The following DLG1 variants were observed in gnomAD, a reference collection of about 807,000 sequenced individuals.
DLG1 encodes the protein disks large homolog 1.
Under a neutral mutation model 123.4 loss-of-function variants are expected in DLG1, and 42 were observed. That is an observed-to-expected ratio of 0.34 (90% CI 0.27 to 0.44). DLG1 has a LOEUF of 0.44. Among genes scored for constraint, DLG1 ranks in the 20% least tolerant of loss-of-function variants. DLG1 has a pLI of 1.00. For synonymous variants in DLG1, 317 were observed against 356.2 expected (o/e 0.89, Z 1.24); for missense variants, 942 against 1,082.6 (o/e 0.87, Z 1.82).
chr3:197,152,279 T>C (rs1794248595), intron 5 of DLG1, among the ~76,000 whole-genome samples: 3 of 152,134 alleles, frequency 2.0e-5, no homozygotes, highest in Admixed American at 2.0e-4. Flanking sequence ...ACAGGGTCAC[T>C]TGAACCAAGG....
chr3:197,185,333 A>G (rs1208474831), intron 5 of DLG1, among the ~76,000 whole-genome samples: 2 of 152,150 alleles, frequency 1.3e-5, no homozygotes, highest in South Asian at 2.1e-4. Context: ...AAAACATGCT[A>G]ATGCTGTCTC....
At chr3:197,254,733 CAATAAATGAAATTAAGA>C (rs1756013912) in intron 4 of DLG1, among the ~76,000 whole-genome samples, 2 of 152,150 alleles carry the variant, frequency 1.3e-5, no homozygotes, top group South Asian at 4.1e-4. Flanking sequence ...GTTAAAAATA[CAATAAATGAAATTAAGA>C]AATCTATGAC....
chr3:197,203,967 A>G (rs1187370569), intron 4 of DLG1, among the ~76,000 whole-genome samples: 1 of 152,218 alleles, frequency 6.6e-6, no homozygotes, highest in Non-Finnish European at 1.5e-5. Flanking sequence ...CTGGGTTAGG[A>G]ATGAATCTCT....
At chr3:197,150,211 G>GT (rs1793183227) in intron 5 of DLG1, among the ~76,000 whole-genome samples, 2 of 151,704 alleles carry the variant, frequency 1.3e-5, no homozygotes, top group Non-Finnish European at 2.9e-5. Flanking sequence ...ACAGTGAACT[G>GT]TTTTTAAACA....
intron 4 of DLG1, among the ~76,000 whole-genome samples, chr3:197,276,235 G>A (rs1211790572): frequency 4.6e-5 from 7 of 152,114 alleles, no homozygotes; most frequent in African/African-American, 1.2e-4. Flanking sequence ...ATCTCTTACC[G>A]ATAATCTTTT....
chr3:197,229,580 T>C (rs898259982), intron 4 of DLG1, among the ~76,000 whole-genome samples: 7 of 152,284 alleles, frequency 4.6e-5, no homozygotes, highest in African/African-American at 1.7e-4. Flanking sequence ...CCTGGCCTCG[T>C]TGGATATTAA....
At chr3:197,216,048 GT>G (rs1733960225) in intron 4 of DLG1, among the ~76,000 whole-genome samples, 1 of 152,090 alleles carries the variant, frequency 6.6e-6, no homozygotes, top group Non-Finnish European at 1.5e-5. Flanking sequence ...CCCAATTCTA[GT>G]TTTTATGGGG....
intron 5 of DLG1, among the ~76,000 whole-genome samples, chr3:197,160,889 T>C (rs1054555828): frequency 6.6e-6 from 1 of 152,192 alleles, no homozygotes; most frequent in Non-Finnish European, 1.5e-5. Context: ...TTAAATGAGA[T>C]CGTGATCTTT....
At chr3:197,134,746 C>G (rs1187246211) in intron 10 of DLG1, among the ~76,000 whole-genome samples, 1 of 152,202 alleles carries the variant, frequency 6.6e-6, no homozygotes, top group Non-Finnish European at 1.5e-5. Context: ...ATGTCACAAA[C>G]CTATGTTTGA....
intron 23 of DLG1, among the ~76,000 whole-genome samples, chr3:197,054,822 T>C (rs1327503051): frequency 7.0e-6 from 1 of 143,306 alleles, no homozygotes; most frequent in Non-Finnish European, 1.5e-5. Context: ...TTTTTGTTTA[T>C]TTTTTTTTTT....
At chr3:197,230,861 C>T (rs1742568091) in intron 4 of DLG1, among the ~76,000 whole-genome samples, 1 of 151,572 alleles carries the variant, frequency 6.6e-6, no homozygotes, top group Non-Finnish European at 1.5e-5. Flanking sequence ...TCACACTTGC[C>T]AAAAAACAAG....
intron 11 of DLG1, among the ~76,000 whole-genome samples, chr3:197,123,870 C>A (rs553740038): frequency 6.6e-6 from 1 of 152,290 alleles, no homozygotes; most frequent in East Asian, 1.9e-4. Context: ...TGGAATAATA[C>A]ATAGCAGTTT....
At chr3:197,277,090 C>T (rs1029924307) in intron 4 of DLG1, among the ~76,000 whole-genome samples, 1 of 151,994 alleles carries the variant, frequency 6.6e-6, no homozygotes, top group African/African-American at 2.4e-5. Flanking sequence ...TGGAGTTTCA[C>T]CATGTTTCCC....
rs770942396 is a variant in DLG1, at chr3:197,042,683, G to A, written c.*1940C>T. On this transcript the variant is annotated 3_prime_UTR_variant, in exon 25 of 25. Transcript: ENST00000667157. ...AATAGCTTATGCTGCGGTCTTGTAA[G>A]GCAGTTTCTGAAGCTCTTGAGATTT... is the stretch of plus-strand genomic sequence containing the variant. The A allele has an allele frequency of 3.3e-5, 5 of 152,164 alleles. No individual in the cohort carries two copies. The highest frequency in any genetic ancestry group is 6.5e-5 in the Admixed American group (1 of 15,274). 9.4% of individuals were successfully genotyped at this position (152,164 alleles called of 1,614,324 possible). A position where few individuals can be genotyped will look rare whatever the true frequency, so the allele number is the denominator to read the frequency against.
chr3:197,171,206 A>G (rs1475833820), intron 5 of DLG1, among the ~76,000 whole-genome samples: 1 of 152,190 alleles, frequency 6.6e-6, no homozygotes, highest in Non-Finnish European at 1.5e-5. Flanking sequence ...TTATAGAAGG[A>G]TAAAATATAG....
intron 16 of DLG1, among the ~76,000 whole-genome samples, 183 bp from the exon 17 acceptor site, chr3:197,081,300 T>C (rs900256808): frequency 1.3e-5 from 2 of 152,218 alleles, no homozygotes; most frequent in African/African-American, 4.8e-5. Flanking sequence ...CATTTTATTA[T>C]GAAACAAAAC....
chr3:197,087,695 T>C (rs1755230300), intron 15 of DLG1, among the ~76,000 whole-genome samples: 2 of 152,274 alleles, frequency 1.3e-5, no homozygotes, highest in South Asian at 2.1e-4. Context: ...AAAGAAGCTA[T>C]AAATGGAGTG....
intron 24 of DLG1, among the ~76,000 whole-genome samples, chr3:197,050,549 C>A (rs1726866128): frequency 6.6e-6 from 1 of 152,058 alleles, no homozygotes; most frequent in Admixed American, 6.6e-5. Flanking sequence ...ATGTGGAGGA[C>A]CTTATGCTAT....
intron 18 of DLG1, among the ~76,000 whole-genome samples, chr3:197,076,033 G>C (rs1747025612): frequency 6.6e-6 from 1 of 152,156 alleles, no homozygotes. Flanking sequence ...ACTTTGAAAT[G>C]AGCTAGCTGC....
Sources: gnomAD v4.1 joint callset for allele counts (sites outside exome capture counted in the v4.1 genomes callset) on GRCh38, gnomAD v4.1.1 for gene constraint, MANE v1.5 for transcripts, NCBI Gene and HGNC (gene_info 2026-07-23, HGNC 2026-07-21) for gene names.